ADTRP: variants seen among roughly 807,000 people sequenced by gnomAD.
ADTRP encodes the protein androgen-dependent TFPI-regulating protein.
Under a neutral mutation model 27.0 loss-of-function variants are expected in ADTRP, and 20 were observed. The ratio of observed to expected loss-of-function variants is 0.74; its 90% CI spans 0.52 to 1.08. ADTRP has a LOEUF of 1.08. ADTRP is among the 50% of genes least tolerant of loss of function. The pLI is 0.00. For synonymous variants in ADTRP, 101 were observed against 105.2 expected, an observed-to-expected ratio of 0.96 and a Z score of 0.25; for missense variants, 251 against 275.0, an observed-to-expected ratio of 0.91 and a Z score of 0.62.
chr6:11,753,600 G>C (rs373868995), intron 3 of ADTRP, among the ~76,000 whole-genome samples: 2 of 152,274 alleles, frequency 1.3e-5, no homozygotes, highest in Non-Finnish European at 1.5e-5. Flanking sequence ...ATGTCAGAAA[G>C]AGTATGCATA....
intron 3 of ADTRP, among the ~76,000 whole-genome samples, chr6:11,749,838 T>TTG (rs1762985140): frequency 6.6e-6 from 1 of 152,220 alleles, no homozygotes; most frequent in Non-Finnish European, 1.5e-5. Flanking sequence ...AGAAGCACAC[T>TTG]TGTGTGCTTG....
At chr6:11,722,021 A>G (rs1472543815) in intron 5 of ADTRP, among the ~76,000 whole-genome samples, 2 of 152,150 alleles carry the variant, frequency 1.3e-5, no homozygotes, top group African/African-American at 4.8e-5. Flanking sequence ...AAGCTTCTTT[A>G]AATATATATA....
chr6:11,775,935 A>G (rs887076089), intron 1 of ADTRP, among the ~76,000 whole-genome samples: 3 of 152,232 alleles, frequency 2.0e-5, no homozygotes, highest in Non-Finnish European at 2.9e-5. Context: ...TAAAATAAAT[A>G]TAAGAATGTG....
intron 4 of ADTRP, among the ~76,000 whole-genome samples, chr6:11,732,149 T>C (rs1320030916): frequency 6.6e-6 from 1 of 152,192 alleles, no homozygotes; most frequent in Non-Finnish European, 1.5e-5. Context: ...AGCTCTTCAA[T>C]TTTGCAATCT....
intron 5 of ADTRP, among the ~76,000 whole-genome samples, chr6:11,715,806 CTTTTTTTTTTTTTTTTTTTT>C (rs55961408): frequency 2.6e-5 from 2 of 77,700 alleles, no homozygotes; most frequent in African/African-American, 6.3e-5. Context: ...CCATGCCCAG[CTTTTTTTTTTTTTTTTTTTT>C]TTTTTTTTTT....
intron 4 of ADTRP, among the ~76,000 whole-genome samples, chr6:11,728,001 G>C (rs1157197149): frequency 6.8e-6 from 1 of 147,712 alleles, no homozygotes; most frequent in Non-Finnish European, 1.5e-5. Flanking sequence ...GAGGGAGGGA[G>C]GGAGGGAACT....
chr6:11,747,344 A>G (rs545718483), intron 3 of ADTRP, among the ~76,000 whole-genome samples: 17 of 152,334 alleles, frequency 1.1e-4, no homozygotes, highest in African/African-American at 4.1e-4. Flanking sequence ...CTCTGAAATG[A>G]TTGTGCACTT....
intron 3 of ADTRP, among the ~76,000 whole-genome samples, chr6:11,751,520 CA>C (rs1763054318): frequency 6.6e-6 from 1 of 152,168 alleles, no homozygotes; most frequent in South Asian, 2.1e-4. Context: ...CCTCACCCCC[CA>C]ACACTCCAAC....
chr6:11,755,601 T>A (rs1264368092), intron 3 of ADTRP, among the ~76,000 whole-genome samples: 1 of 152,246 alleles, frequency 6.6e-6, no homozygotes, highest in Non-Finnish European at 1.5e-5. Flanking sequence ...TAACTCTGCT[T>A]CCTCATCCCA....
chr6:11,770,948 TG>T (rs1291357018), intron 1 of ADTRP, among the ~76,000 whole-genome samples: 1 of 152,202 alleles, frequency 6.6e-6, no homozygotes, highest in Non-Finnish European at 1.5e-5. Flanking sequence ...ATCCTGAGCC[TG>T]GGCCAGGCCT....
intron 4 of ADTRP, 101 bp from the exon 5 acceptor site, chr6:11,723,601 G>T (rs1312530015): frequency 2.9e-6 from 4 of 1,369,658 alleles, no homozygotes; most frequent in Non-Finnish European, 4.0e-6. Context: ...CAGGGGAAGA[G>T]AACCCATCAG....
chr6:11,764,937 C>T (rs1304697022), intron 3 of ADTRP, among the ~76,000 whole-genome samples: 1 of 142,974 alleles, frequency 7.0e-6, no homozygotes, highest in East Asian at 2.0e-4. Flanking sequence ...TTCACTACAT[C>T]AGTGTCTCAG....
At chr6:11,772,437 A>G (rs987594991) in intron 1 of ADTRP, among the ~76,000 whole-genome samples, 2 of 152,392 alleles carry the variant, frequency 1.3e-5, no homozygotes, top group Middle Eastern at 3.4e-3. Flanking sequence ...TTTCCAAGTC[A>G]TCAAGCTTAT....
intron 5 of ADTRP, among the ~76,000 whole-genome samples, chr6:11,722,191 A>G (rs950377453): frequency 6.6e-6 from 1 of 151,988 alleles, no homozygotes; most frequent in African/African-American, 2.4e-5. Flanking sequence ...AGTAATTTTT[A>G]GTATTCCATT....
At chr6:11,763,701 C>T (rs1333663719) in intron 3 of ADTRP, among the ~76,000 whole-genome samples, 5 of 152,236 alleles carry the variant, frequency 3.3e-5, no homozygotes, top group South Asian at 2.1e-4. Context: ...TGAGTTCACA[C>T]TAGTATTTAA....
intron 3 of ADTRP, among the ~76,000 whole-genome samples, chr6:11,761,903 G>T (rs1763399325): frequency 6.6e-6 from 1 of 152,188 alleles, no homozygotes; most frequent in South Asian, 2.1e-4. Context: ...TAGACTGTGG[G>T]TGACCTATGC....
intron 4 of ADTRP, among the ~76,000 whole-genome samples, chr6:11,730,496 C>A (rs892316405): frequency 6.6e-6 from 1 of 152,250 alleles, no homozygotes; most frequent in African/African-American, 2.4e-5. Context: ...AAGAGAATTG[C>A]TGATTCTGGA....
intron 3 of ADTRP, among the ~76,000 whole-genome samples, chr6:11,748,265 A>G (rs1319731315): frequency 6.6e-6 from 1 of 152,210 alleles, no homozygotes; most frequent in African/African-American, 2.4e-5. Flanking sequence ...GTGTCCAAAT[A>G]TACAGTGTCA....
intron 4 of ADTRP, among the ~76,000 whole-genome samples, chr6:11,731,186 G>C (rs1039396377): frequency 6.6e-5 from 10 of 152,178 alleles, no homozygotes; most frequent in African/African-American, 2.4e-4. Context: ...AAGGGTGCTT[G>C]GGGATATCAC....
Sources: allele counts gnomAD v4.1 joint callset (sites outside exome capture counted in the v4.1 genomes callset), GRCh38; gene constraint gnomAD v4.1.1; transcripts MANE v1.5; gene names NCBI Gene and HGNC (gene_info 2026-07-23, HGNC 2026-07-21).